PACRG: variants seen among roughly 807,000 people sequenced by gnomAD.
PACRG encodes the protein parkin coregulated gene protein.
A neutral mutation model predicts 29.7 loss-of-function variants in PACRG; 29 were observed. The observed-to-expected ratio is 0.98, with a 90% CI of 0.73 to 1.33. The LOEUF (loss-of-function observed/expected upper bound fraction) is 1.33. PACRG is among the 40% of genes most tolerant of loss of function. The pLI is 0.00. For synonymous variants in PACRG, 116 were observed against 118.7 expected, an observed-to-expected ratio of 0.98 and a Z score of 0.15; for missense variants, 279 against 316.2, an observed-to-expected ratio of 0.88 and a Z score of 0.89.
intron 2 of PACRG, among the ~76,000 whole-genome samples, chr6:162,936,871 A>G (rs746603797): frequency 5.9e-5 from 9 of 152,104 alleles, no homozygotes; most frequent in Non-Finnish European, 1.2e-4. Flanking sequence ...GTGCATTTCT[A>G]AAATATTTTA....
intron 4 of PACRG, among the ~76,000 whole-genome samples, chr6:163,201,769 G>A (rs1273463710): frequency 1.3e-5 from 2 of 152,218 alleles, no homozygotes; most frequent in East Asian, 1.9e-4. Flanking sequence ...GCATGGTGAC[G>A]GTTCTCTCTC....
intron 4 of PACRG, among the ~76,000 whole-genome samples, chr6:163,256,789 T>C (rs1783128240): frequency 1.3e-5 from 2 of 152,152 alleles, no homozygotes; most frequent in African/African-American, 4.8e-5. Context: ...GTCCTGGGGA[T>C]GCTGTAACTA....
intron 4 of PACRG, among the ~76,000 whole-genome samples, chr6:163,299,244 C>G (rs1784895329): frequency 6.6e-6 from 1 of 152,200 alleles, no homozygotes; most frequent in African/African-American, 2.4e-5. Flanking sequence ...TTCTTTTATC[C>G]TCCGACTGGG....
rs142185029 is a variant in PACRG at position 163,258,874 on chromosome 6, A to T, written c.614-55953A>T. ...TTTTATTAACACTTCTGGCAAAAGC[A>T]CTAGCTTTCGGTATCAACATCATTA... On this transcript the variant is annotated intron_variant, in intron 4 of 4. Coordinates refer to ENST00000366888, the MANE Select transcript of PACRG (RefSeq NM_001080379.2). Among the ~76,000 whole-genome samples the T allele has an allele frequency of 6.6e-4, 100 of 152,338 alleles. 1 individual carries two copies. The highest frequency in any genetic ancestry group is 2.3e-3 in the African/African-American group (95 of 41,580).
At chr6:162,814,801 T>A (rs892401003) in intron 2 of PACRG, among the ~76,000 whole-genome samples, 4 of 152,210 alleles carry the variant, frequency 2.6e-5, no homozygotes, top group Non-Finnish European at 5.9e-5. Context: ...GCGATGGCTG[T>A]CACACGTGCC....
chr6:163,115,706 C>A (rs1457852415), intron 4 of PACRG, among the ~76,000 whole-genome samples: 3 of 152,144 alleles, frequency 2.0e-5, no homozygotes, highest in Non-Finnish European at 4.4e-5. Flanking sequence ...TTATTCAAAT[C>A]CAACCAGGCC....
chr6:162,799,526 G>A (rs566686271), intron 1 of PACRG, among the ~76,000 whole-genome samples: 1 of 151,946 alleles, frequency 6.6e-6, no homozygotes, highest in Non-Finnish European at 1.5e-5. Context: ...TATTATTGGA[G>A]TTTCTAAATC....
At position 162,814,379 on chromosome 6, in the gene PACRG, C is replaced by A. The variant is rs1562624238; in HGVS notation, c.291+98C>A. On this transcript the variant is annotated intron_variant, in intron 2 of 4. Coordinates refer to ENST00000366888, the MANE Select transcript of PACRG (RefSeq NM_001080379.2). ...GCTGCTTAAGTAAATAAACTGGAGT[C>A]ATTTCTCAGCACATGGAAGATGGTG... 2.8e-6 allele frequency: 4 copies of A among 1,448,372 alleles called. No individual in the cohort carries two copies. In the East Asian group the frequency reaches 7.0e-5, roughly 25 times the overall value. The allele number at this position is 1,448,372 out of a possible 1,614,324, so 89.7% of individuals were successfully genotyped here.
At chr6:162,858,378 C>A (rs1250673154) in intron 2 of PACRG, among the ~76,000 whole-genome samples, 1 of 152,038 alleles carries the variant, frequency 6.6e-6, no homozygotes, top group Non-Finnish European at 1.5e-5. Flanking sequence ...GGGGGAGCTG[C>A]CCCCATGATC....
At chr6:163,078,071 T>C (rs922766164) in intron 3 of PACRG, among the ~76,000 whole-genome samples, 4 of 152,164 alleles carry the variant, frequency 2.6e-5, no homozygotes, top group Admixed American at 1.3e-4. Context: ...ACCAATTCTA[T>C]CACTCTTCTA....
chr6:162,742,308 G>A (rs1780660598), intron 1 of PACRG, among the ~76,000 whole-genome samples: 1 of 152,096 alleles, frequency 6.6e-6, no homozygotes, highest in South Asian at 2.1e-4. Context: ...GTTTTATAAG[G>A]GGTTTCCCCT....
intron 1 of PACRG, among the ~76,000 whole-genome samples, chr6:162,797,001 G>A (rs1390391515): frequency 2.0e-5 from 3 of 152,200 alleles, no homozygotes; most frequent in African/African-American, 7.2e-5. Context: ...ATCTGGCTGG[G>A]CACAGTGGCT....
intron 4 of PACRG, among the ~76,000 whole-genome samples, chr6:163,140,833 T>A (rs559406486): frequency 6.6e-6 from 1 of 152,150 alleles, no homozygotes; most frequent in East Asian, 1.9e-4. Context: ...GATAGAAATC[T>A]TGAAACAAGA....
intron 2 of PACRG, among the ~76,000 whole-genome samples, chr6:162,931,857 C>T (rs1797875305): frequency 6.6e-6 from 1 of 151,850 alleles, no homozygotes; most frequent in South Asian, 2.1e-4. Context: ...GCCAGTTTCT[C>T]AAAAAGTCAA....
At chr6:163,036,384 T>C (rs557156132) in intron 2 of PACRG, among the ~76,000 whole-genome samples, 1 of 152,346 alleles carries the variant, frequency 6.6e-6, no homozygotes, top group Non-Finnish European at 1.5e-5. Context: ...GGCTGCATAT[T>C]GTGGATCATA....
At chr6:163,196,844 G>C (rs1171428756) in intron 4 of PACRG, among the ~76,000 whole-genome samples, 2 of 150,978 alleles carry the variant, frequency 1.3e-5, no homozygotes, top group Admixed American at 1.3e-4. Flanking sequence ...AGAAAGACTA[G>C]ACAGATAGAC....
chr6:162,762,715 T>C (rs750362199), intron 1 of PACRG, among the ~76,000 whole-genome samples: 6 of 152,236 alleles, frequency 3.9e-5, no homozygotes, highest in Admixed American at 2.6e-4. Context: ...TGTATCTTGT[T>C]GCATGCTAAA....
chr6:163,268,476 A>G (rs1783619802), intron 4 of PACRG, among the ~76,000 whole-genome samples: 1 of 152,132 alleles, frequency 6.6e-6, no homozygotes. Context: ...AAATCTCAAA[A>G]ATAAAAATCT....
rs746301135 is a variant in PACRG at position 163,089,379 on chromosome 6, C to G, written c.584C>G (p.Pro195Arg). 6.2e-6 allele frequency: 10 copies of G among 1,614,050 alleles called. No individual in the cohort carries two copies. In the East Asian group the frequency reaches 2.2e-4, roughly 36 times the overall value. ...ALVPYYRQIL[P>R]VLNIFKNMNV... is the part of the protein sequence containing the mutation. ...GTGCCTTATTACCGTCAAATCCTCC[C>G]TGTCCTGAACATCTTTAAGAATATG... The change falls in exon 4 of 5, where the codon CCT (proline) becomes CGT (arginine). Residue 195 changes from proline to arginine, a missense_variant. By Grantham distance (103) the Pro-to-Arg change is moderately radical. Coordinates refer to ENST00000366888, the MANE Select transcript of PACRG (RefSeq NM_001080379.2).
Sources: allele counts gnomAD v4.1 joint callset (sites outside exome capture counted in the v4.1 genomes callset), GRCh38; gene constraint gnomAD v4.1.1; transcripts MANE v1.5; gene names NCBI Gene and HGNC (gene_info 2026-07-23, HGNC 2026-07-21).